Variants in PTCH1 observed in about 807,000 individuals in gnomAD.
PTCH1 encodes protein patched homolog 1.
A neutral mutation model predicts 144.6 loss-of-function variants in PTCH1; 14 were observed. That is an observed-to-expected ratio of 0.10 (90% CI 0.06 to 0.15). The LOEUF (loss-of-function observed/expected upper bound fraction) is 0.15, where lower values mean the gene tolerates loss of function less well. Among genes scored for constraint, PTCH1 ranks in the 10% least tolerant of loss-of-function variants. The pLI, the probability that PTCH1 is intolerant of heterozygous loss-of-function variation, is 1.00. For missense variants in PTCH1, 1,623 were observed against 1,948.3 expected (o/e 0.83, Z 3.14); for synonymous variants, 833 against 793.6 (o/e 1.05, Z -0.83).
Position 95,508,871 on chromosome 9 carries a change from G to C in PTCH1, c.-510C>G. 4.1e-6 allele frequency: 4 copies of C among 965,182 alleles called. No homozygotes were observed. The highest frequency in any genetic ancestry group is 4.9e-6 in the Non-Finnish European group (4 of 812,928). 59.8% of individuals were successfully genotyped at this position (965,182 alleles called of 1,614,324 possible). A position where few individuals can be genotyped will look rare whatever the true frequency, so the allele number is the denominator to read the frequency against. On this transcript the variant is annotated 5_prime_UTR_variant, in exon 1 of 24. Coordinates refer to ENST00000331920, the MANE Select transcript of PTCH1 (RefSeq NM_000264.5). The stretch of plus-strand genomic sequence containing the variant: ...TCGCCCGAGCGGCCGCGGAGGGCAA[G>C]CGCAGAGCCGCCGCCGCCGCGGGGT...
chr9:95,506,803 G>A (rs1022321498), intron 1 of PTCH1: 2 of 1,108,456 alleles, frequency 1.8e-6, no homozygotes. Context: ...CCGCAGCGTG[G>A]GAGCTGCACC....
At chr9:95,478,365 C>G (rs1423792502) in intron 8 of PTCH1, among the ~76,000 whole-genome samples, 179 bp from the exon 9 acceptor site, 1 of 152,106 alleles carries the variant, frequency 6.6e-6, no homozygotes, top group African/African-American at 2.4e-5. Context: ...ATTAAAGAAC[C>G]CTGTTTTAGG....
intron 2 of PTCH1, among the ~76,000 whole-genome samples, chr9:95,502,717 A>G (rs1026928822): frequency 2.6e-5 from 4 of 152,194 alleles, no homozygotes; most frequent in Admixed American, 2.6e-4. Context: ...CTACACACGC[A>G]CACACACGCG....
At chr9:95,481,238 C>A (rs1841511774) in intron 5 of PTCH1, among the ~76,000 whole-genome samples, 1 of 152,218 alleles carries the variant, frequency 6.6e-6, no homozygotes, top group Admixed American at 6.5e-5. Context: ...ATCTCCCAAC[C>A]AGAAAACACA....
intron 12 of PTCH1, 105 bp downstream of exon 12, chr9:95,475,929 C>T: frequency 6.5e-7 from 1 of 1,549,912 alleles, no homozygotes; most frequent in Admixed American, 1.7e-5. Context: ...ATTTCTATTT[C>T]ACTTCATAAG....
intron 13 of PTCH1, 24 bp downstream of exon 13, chr9:95,469,789 G>A (rs1232669301): frequency 2.5e-6 from 4 of 1,583,336 alleles, no homozygotes; most frequent in African/African-American, 1.3e-5. Flanking sequence ...CCAATCAAAA[G>A]GCCACAGCAG....
chr9:95,492,650 T>C (rs1168115722), intron 2 of PTCH1, among the ~76,000 whole-genome samples: 2 of 151,904 alleles, frequency 1.3e-5, no homozygotes, highest in Admixed American at 6.6e-5. Flanking sequence ...CTTAAAAAAA[T>C]CCAAAATCCC....
intron 14 of PTCH1, 68 bp from the exon 15 acceptor site, chr9:95,467,493 C>A: frequency 6.6e-7 from 1 of 1,509,396 alleles, no homozygotes; most frequent in Admixed American, 1.8e-5. Flanking sequence ...CAAAGAGAAG[C>A]TGTCTAGTTA....
At chr9:95,450,796 T>C (rs564744147) in intron 20 of PTCH1, 2 of 152,294 alleles carry the variant, frequency 1.3e-5, no homozygotes, top group South Asian at 4.1e-4. Context: ...CAGAAGTAGT[T>C]CTGCTTTCCC....
Position 95,476,746 on chromosome 9 carries a change from G to GA in PTCH1, c.1602+12_1602+13insT. Reference sequence around the variant, plus strand: ...GATGTCCCCAAAGCTCTCTTCTTTTGTTTTTGCATTACCTCAAAAGGGATT... The same window carrying GA: ...GATGTCCCCAAAGCTCTCTTCTTTTGATTTTTGCATTACCTCAAAAGGGATT... On this transcript the variant is annotated intron_variant, in intron 11 of 23. Transcript: ENST00000331920. This position sits in a 1 kb window ranked among gnomAD's most constrained non-coding sequence, Gnocchi z 4.6. The GA allele has an allele frequency of 6.2e-7, 1 of 1,609,478 alleles. No individual in the cohort carries two copies. The highest frequency in any genetic ancestry group is 8.5e-7 in the Non-Finnish European group (1 of 1,176,482).
At chr9:95,464,876 C>T (rs16909889) in intron 15 of PTCH1, among the ~76,000 whole-genome samples, 6,811 of 152,228 alleles carry the variant, frequency 0.045, 213 homozygotes, top group Middle Eastern at 0.13. Flanking sequence ...AACACCACAT[C>T]AACCATTCAA....
intron 16 of PTCH1, among the ~76,000 whole-genome samples, chr9:95,460,246 T>A (rs1839345813): frequency 6.6e-6 from 1 of 152,206 alleles, no homozygotes. Flanking sequence ...TAAATTTTGC[T>A]AACACTAGCC....
intron 7 of PTCH1, chr9:95,479,708 G>A (rs1841373546): frequency 3.5e-6 from 2 of 571,202 alleles, no homozygotes; most frequent in Non-Finnish European, 3.1e-6. Flanking sequence ...TACCTAATGG[G>A]CAGATCTCCT....
At chr9:95,507,302 A>G in intron 1 of PTCH1, 1 of 985,404 alleles carries the variant, frequency 1.0e-6, no homozygotes, top group Non-Finnish European at 1.2e-6. Context: ...GGTTAAACGT[A>G]AAAAACAGCC....
At chr9:95,466,523 C>G (rs2117923027) in intron 15 of PTCH1, among the ~76,000 whole-genome samples, 1 of 152,274 alleles carries the variant, frequency 6.6e-6, no homozygotes. Flanking sequence ...ATGCATCCCT[C>G]TGGTGCGGGA....
rs1179522030 is a variant in PTCH1 at position 95,465,578 on chromosome 9, G to C, written c.2560+1538C>G. ...AATTGGGTGTACATGTAGACACAAAGTTCTGGTAAACACAAGTCAAGGCCA... is the reference window on the plus strand; with the variant it reads ...AATTGGGTGTACATGTAGACACAAACTTCTGGTAAACACAAGTCAAGGCCA... On this transcript the variant is annotated intron_variant, in intron 15 of 23. Coordinates refer to ENST00000331920, the MANE Select transcript of PTCH1 (RefSeq NM_000264.5). Among the ~76,000 whole-genome samples, 2 of 152,186 alleles carry C rather than the reference G, an allele frequency of 1.3e-5. 1 individual carries two copies. Among genetic ancestry groups the C allele is most frequent in the East Asian group, 3.8e-4 (2 of 5,198 alleles).
At chr9:95,486,611 G>A (rs1329605880) in intron 2 of PTCH1, among the ~76,000 whole-genome samples, 1 of 152,266 alleles carries the variant, frequency 6.6e-6, no homozygotes, top group East Asian at 1.9e-4. Context: ...CCCAGGCCGA[G>A]AAGTCCTGCC....
rs1471734458 is a variant in PTCH1 at position 95,443,243 on chromosome 9, T to C, written c.*3150A>G. 6.6e-6 allele frequency: 1 copy of C among 152,190 alleles called. No individual in the cohort carries two copies. Among genetic ancestry groups the C allele is most frequent in the East Asian group, 1.9e-4 (1 of 5,192 alleles). 9.4% of individuals were successfully genotyped at this position (152,190 alleles called of 1,614,324 possible). A position where few individuals can be genotyped will look rare whatever the true frequency, so the allele number is the denominator to read the frequency against. On this transcript the variant is annotated 3_prime_UTR_variant, in exon 24 of 24. Transcript: ENST00000331920. ...AACAGAGCTATGCTTATACCCACTATTTATACAAAACAAAAAGGAGGAAAA... is the reference window on the plus strand; with the variant it reads ...AACAGAGCTATGCTTATACCCACTACTTATACAAAACAAAAAGGAGGAAAA...
At chr9:95,462,939 C>T (rs1381835059) in intron 15 of PTCH1, among the ~76,000 whole-genome samples, 1 of 152,176 alleles carries the variant, frequency 6.6e-6, no homozygotes, top group Non-Finnish European at 1.5e-5. Flanking sequence ...CCCCGGTGAC[C>T]CGGCCTTAGG....
Sources: gnomAD v4.1 joint callset for allele counts (sites outside exome capture counted in the v4.1 genomes callset) on GRCh38, gnomAD v4.1.1 for gene constraint, Gnocchi (gnomAD v3.1) non-coding constraint, MANE v1.5 for transcripts, NCBI Gene and HGNC (gene_info 2026-07-23, HGNC 2026-07-21) for gene names.